Variants in USP40 observed in about 807,000 individuals in gnomAD.
The protein encoded by USP40 is ubiquitin specific peptidase 40.
USP40 carries 143 observed loss-of-function variants against 166.2 expected under a neutral mutation model. The ratio of observed to expected loss-of-function variants is 0.86; its 90% confidence interval spans 0.75 to 0.99. The LOEUF is 0.99. Among genes scored for constraint, USP40 ranks in the 50% least tolerant of loss-of-function variants. USP40 has a pLI of 0.00. For synonymous variants in USP40, 498 were observed against 524.0 expected (o/e 0.95, Z 0.68); for missense variants, 1,444 against 1,479.7 (o/e 0.98, Z 0.40).
At chr2:233,512,023 A>G in intron 19 of USP40, 2 of 390,332 alleles carry the variant, frequency 5.1e-6, no homozygotes, top group South Asian at 5.3e-5. Flanking sequence ...TGCTAAATGG[A>G]AGCTATGAAA....
intron 24 of USP40, among the ~76,000 whole-genome samples, chr2:233,495,898 T>C (rs941540989): frequency 6.6e-6 from 1 of 152,248 alleles, no homozygotes; most frequent in Non-Finnish European, 1.5e-5. Flanking sequence ...GTGTATGTGC[T>C]GATATGAGGA....
intron 21 of USP40, among the ~76,000 whole-genome samples, chr2:233,503,750 T>C (rs1047714405): frequency 5.3e-5 from 8 of 152,106 alleles, no homozygotes; most frequent in African/African-American, 1.9e-4. Flanking sequence ...ACTAGACCAA[T>C]CTTACAAGAA....
At chr2:233,558,370 T>C (rs2071282758) in intron 4 of USP40, among the ~76,000 whole-genome samples, 1 of 150,450 alleles carries the variant, frequency 6.6e-6, no homozygotes, top group South Asian at 2.1e-4. Flanking sequence ...AATGACTAGA[T>C]TAAAAAAAAA....
intron 22 of USP40, among the ~76,000 whole-genome samples, 162 bp from the exon 23 acceptor site, chr2:233,498,774 G>C (rs114099762): frequency 0.021 from 3,217 of 152,314 alleles, 51 homozygotes; most frequent in Middle Eastern, 0.088. Context: ...AGCAAAGTGT[G>C]CTACTGAAAT....
intron 18 of USP40, among the ~76,000 whole-genome samples, chr2:233,518,243 A>ACAG (rs201458545): frequency 0.15 from 18,559 of 126,212 alleles, 2,088 homozygotes; most frequent in Non-Finnish European, 0.18. Context: ...CAAACCAGTA[A>ACAG]CAGATTCTAA....
chr2:233,491,965 A>T (rs913911271), intron 25 of USP40, among the ~76,000 whole-genome samples: 6 of 152,232 alleles, frequency 3.9e-5, no homozygotes, highest in African/African-American at 9.6e-5. Flanking sequence ...GAGAGATTAG[A>T]AGTCAACTAA....
At chr2:233,543,289 T>C (rs1404009869) in intron 8 of USP40, among the ~76,000 whole-genome samples, 1 of 152,116 alleles carries the variant, frequency 6.6e-6, no homozygotes, top group East Asian at 1.9e-4. Flanking sequence ...GATACAACCA[T>C]CCTGCTACAA....
chr2:233,508,692 G>A (rs915077992), intron 21 of USP40, among the ~76,000 whole-genome samples: 10 of 152,054 alleles, frequency 6.6e-5, no homozygotes, highest in Non-Finnish European at 1.2e-4. Context: ...GTTGGAATAT[G>A]TTTATAAATA....
chr2:233,517,781 GGTGTGT>G (rs111938537), intron 18 of USP40, among the ~76,000 whole-genome samples: 23,315 of 142,084 alleles, frequency 0.16, 1,930 homozygotes, highest in African/African-American at 0.24. Context: ...AAGAAACTGT[GGTGTGT>G]GTGTGTGTGT....
Position 233,529,443 on chromosome 2 carries a change from A to G in USP40, c.1541T>C (p.Leu514Pro). The G allele has an allele frequency of 1.3e-6, 2 of 1,572,108 alleles. No homozygotes were observed. Among genetic ancestry groups the G allele is most frequent in the African/African-American group, 1.3e-5 (1 of 74,422 alleles). ...AATTTAAAATTACCTTTTGGTTTGC[A>G]GTTCAATGTTAGCTGCATCCATTTC... ...LNEMDAANIE[L>P]QTKRAECDSA... is the part of the protein sequence containing the mutation. Residue 514 changes from leucine (L) to proline (P), a missense_variant, in exon 12 of 32, where the codon CTG (leucine) becomes CCG (proline). By Grantham distance (98) the Leu-to-Pro change is moderately conservative. Transcript: ENST00000678225.
chr2:233,556,583 G>A (rs1436479253), intron 5 of USP40: 1 of 202,676 alleles, frequency 4.9e-6, no homozygotes, highest in East Asian at 1.2e-4. Context: ...TGAGGCCACA[G>A]TCTTCTATTT....
Position 233,559,883 on chromosome 2 carries a change from C to A in USP40, c.309G>T (p.Gln103His). 1 of 1,610,020 alleles carries A rather than the reference C, an allele frequency of 6.2e-7. No homozygotes were observed. ...IPLQLQRLFA[Q>H]LLLLDQEAAS... ...CAGCTTCCTGGTCTAAGAGCAGAAG[C>A]TGAGCAAACAAGCGCTGTAACTGTA... The change falls in exon 4 of 32, where the codon CAG becomes CAT. Residue 103 changes from glutamine to histidine, a missense_variant. Physicochemically the swap from Gln to His is conservative, Grantham distance 24 (BLOSUM62 0). Coordinates refer to ENST00000678225, the MANE Select transcript of USP40 (RefSeq NM_001365479.2).
intron 6 of USP40, among the ~76,000 whole-genome samples, chr2:233,551,904 C>G (rs1305797001): frequency 6.6e-6 from 1 of 152,092 alleles, no homozygotes; most frequent in Non-Finnish European, 1.5e-5. Flanking sequence ...TAACCTGGGA[C>G]CTAGGAACCT....
At chr2:233,559,382 A>G (rs567194421) in intron 4 of USP40, among the ~76,000 whole-genome samples, 1 of 152,362 alleles carries the variant, frequency 6.6e-6, no homozygotes, top group South Asian at 2.1e-4. Flanking sequence ...CACAAAGCAC[A>G]TAACAAACAA....
intron 8 of USP40, among the ~76,000 whole-genome samples, chr2:233,543,213 G>T (rs535749928): frequency 6.6e-6 from 1 of 152,148 alleles, no homozygotes; most frequent in African/African-American, 2.4e-5. Context: ...CAGAAATACA[G>T]ATAGTCCTAA....
intron 15 of USP40, 73 bp downstream of exon 15, chr2:233,524,419 C>A: frequency 2.2e-6 from 3 of 1,355,504 alleles, no homozygotes; most frequent in South Asian, 2.8e-5. Flanking sequence ...CATGAGCCAC[C>A]ATGCCCGGCC....
At position 233,494,946 on chromosome 2, in the gene USP40, A is replaced by T. The variant is rs866745658; in HGVS notation, c.2791-1395T>A. Among the ~76,000 whole-genome samples the T allele has an allele frequency of 9.3e-4, 32 of 34,436 alleles. 1 individual carries two copies. The highest frequency in any genetic ancestry group is 4.5e-3 in the African/African-American group (25 of 5,550). The allele number at this position is 34,436 out of a possible 152,430, so 22.6% of individuals were successfully genotyped here. On this transcript the variant is annotated intron_variant, in intron 24 of 31. Coordinates refer to ENST00000678225, the MANE Select transcript of USP40 (RefSeq NM_001365479.2). ...TATATATATATATATATATATATAT[A>T]TATATATATTTATATATATATATAT...
intron 13 of USP40, 68 bp downstream of exon 13, chr2:233,527,339 A>AT (rs1049743765): frequency 7.4e-5 from 113 of 1,529,236 alleles, no homozygotes; most frequent in Non-Finnish European, 9.9e-5. Flanking sequence ...CCTAAACAGA[A>AT]TGAAATGGAG....
At chr2:233,548,558 G>A (rs2070219630) in intron 8 of USP40, among the ~76,000 whole-genome samples, 1 of 152,128 alleles carries the variant, frequency 6.6e-6, no homozygotes, top group Non-Finnish European at 1.5e-5. Flanking sequence ...TAAATACCAT[G>A]CTTGACACTG....
Sources: gnomAD v4.1 joint callset for allele counts (sites outside exome capture counted in the v4.1 genomes callset) on GRCh38, gnomAD v4.1.1 for gene constraint, MANE v1.5 for transcripts, NCBI Gene and HGNC (gene_info 2026-07-23, HGNC 2026-07-21) for gene names.